The following PAIP2 variants were observed in gnomAD, a reference collection of about 807,000 sequenced individuals.
PAIP2 encodes polyadenylate-binding protein-interacting protein 2.
A neutral mutation model predicts 14.8 loss-of-function variants in PAIP2; 7 were observed. The observed-to-expected ratio is 0.47, with a 90% CI of 0.27 to 0.89. The LOEUF is 0.89. Among genes scored for constraint, PAIP2 ranks in the 40% least tolerant of loss-of-function variants. The pLI is 0.13. For missense variants in PAIP2, 122 were observed against 154.7 expected, an observed-to-expected ratio of 0.79 and a Z score of 1.12; for synonymous variants, 47 against 45.3, an observed-to-expected ratio of 1.04 and a Z score of -0.15.
Position 139,369,144 on chromosome 5 carries a change from A to G in PAIP2, c.*346A>G, listed in dbSNP as rs1161255679. The G allele has an allele frequency of 2.3e-5, 4 of 171,876 alleles. No individual in the cohort carries two copies. Among genetic ancestry groups the G allele is most frequent in the African/African-American group, 9.5e-5 (4 of 42,160 alleles). 10.6% of individuals were successfully genotyped at this position (171,876 alleles called of 1,614,324 possible). On this transcript the variant is annotated 3_prime_UTR_variant, in exon 4 of 4. Transcript: ENST00000265192. ...TTGTTAATGTCTAAACTTTAAAATC[A>G]GTACATTTAATTTGAGTTCCAACTG...
rs949318302 is a variant in PAIP2, at chr5:139,365,903, C to T, written c.318+1160C>T. ...GAAGTAGCTTGATGGAGAAGTTTTG[C>T]TCTTTAATCTTGTCTTGGCTGGGTG... is the stretch of plus-strand genomic sequence containing the variant. On this transcript the variant is annotated intron_variant, in intron 3 of 3. Coordinates refer to ENST00000265192, the MANE Select transcript of PAIP2 (RefSeq NM_016480.5). Among the ~76,000 whole-genome samples the T allele has an allele frequency of 2.0e-5, 3 of 152,088 alleles. No individual in the cohort carries two copies. The South Asian group carries it at 6.2e-4, about 31-fold the overall frequency.
intron 1 of PAIP2, among the ~76,000 whole-genome samples, chr5:139,344,458 C>T (rs368170333): frequency 6.6e-6 from 1 of 152,104 alleles, no homozygotes; most frequent in East Asian, 1.9e-4. Context: ...CCAAAAAACT[C>T]CCTTTTTTCT....
At chr5:139,351,313 A>T (rs1756724261) in intron 1 of PAIP2, among the ~76,000 whole-genome samples, 1 of 151,958 alleles carries the variant, frequency 6.6e-6, no homozygotes, top group South Asian at 2.1e-4. Context: ...CCTTGTCTCT[A>T]CTAAAAAAAA....
rs1561964060 is a variant in PAIP2 at position 139,363,819 on chromosome 5, G to T, written c.35G>T (p.Ser12Ile). 6.2e-7 allele frequency: 1 copy of T among 1,614,110 alleles called. No homozygotes were observed. Among genetic ancestry groups the T allele is most frequent in the African/African-American group, 1.3e-5 (1 of 75,060 alleles). ...KDPSRSSTSPSIINEDVIING... is the reference protein window; with the variant it reads ...KDPSRSSTSPIIINEDVIING... Reference sequence around the variant, plus strand: ...CCAAGTCGCAGCAGTACTAGCCCAAGCATCATCAATGAAGATGTGATTATT... The same window carrying T: ...CCAAGTCGCAGCAGTACTAGCCCAATCATCATCAATGAAGATGTGATTATT... Residue 12 changes from serine to isoleucine, a missense_variant, in exon 2 of 4, where the codon AGC becomes ATC. Transcript: ENST00000265192.
intron 1 of PAIP2, among the ~76,000 whole-genome samples, chr5:139,356,370 C>T (rs948359950): frequency 9.9e-5 from 15 of 151,702 alleles, no homozygotes; most frequent in African/African-American, 3.6e-4. Flanking sequence ...CACTTGAACC[C>T]AGGAGGCGGA....
At chr5:139,345,722 G>A (rs1056407329) in intron 1 of PAIP2, among the ~76,000 whole-genome samples, 1 of 151,556 alleles carries the variant, frequency 6.6e-6, no homozygotes, top group African/African-American at 2.4e-5. Context: ...CCACCTCCCG[G>A]GTTCATGCCA....
Position 139,348,373 on chromosome 5 carries a change from G to A in PAIP2, c.-27+6393G>A, listed in dbSNP as rs558915871. 3.8e-3 allele frequency among the ~76,000 whole-genome samples: 430 copies of A among 112,724 alleles called. 1 individual carries two copies. Among genetic ancestry groups the A allele is most frequent in the Middle Eastern group, 0.01 (2 of 194 alleles). 74.0% of individuals were successfully genotyped at this position (112,724 alleles called of 152,430 possible). A position where few individuals can be genotyped will look rare whatever the true frequency, so the allele number is the denominator to read the frequency against. On this transcript the variant is annotated intron_variant, in intron 1 of 3. Coordinates refer to ENST00000265192, the MANE Select transcript of PAIP2 (RefSeq NM_016480.5). Reference sequence around the variant, plus strand: ...CTGGCTAATTTTTTTTTTTTTTTTTGAGACGGAGTCTCACTCTGTCGCCCA... The same window carrying A: ...CTGGCTAATTTTTTTTTTTTTTTTTAAGACGGAGTCTCACTCTGTCGCCCA...
intron 1 of PAIP2, among the ~76,000 whole-genome samples, chr5:139,353,793 C>T (rs900272782): frequency 1.3e-5 from 2 of 151,492 alleles, no homozygotes; most frequent in African/African-American, 2.4e-5. Context: ...TGTCTCGACT[C>T]ACTGTACCCT....
intron 3 of PAIP2, among the ~76,000 whole-genome samples, chr5:139,366,250 T>G: frequency 6.9e-6 from 1 of 145,250 alleles, no homozygotes; most frequent in African/African-American, 2.5e-5. Context: ...TTGTGATAAC[T>G]AAACATCAGC....
intron 1 of PAIP2, among the ~76,000 whole-genome samples, chr5:139,343,916 C>T (rs1402387996): frequency 6.6e-6 from 1 of 152,070 alleles, no homozygotes; most frequent in Non-Finnish European, 1.5e-5. Context: ...CAGGGTTTCA[C>T]CGTGTTAGCC....
At chr5:139,344,462 T>A (rs1275438337) in intron 1 of PAIP2, among the ~76,000 whole-genome samples, 1 of 152,146 alleles carries the variant, frequency 6.6e-6, no homozygotes, top group Non-Finnish European at 1.5e-5. Flanking sequence ...AAAACTCCCT[T>A]TTTTCTTAAT....
At chr5:139,364,789 C>A in intron 3 of PAIP2, 46 bp downstream of exon 3, 1 of 1,289,668 alleles carries the variant, frequency 7.8e-7, no homozygotes, top group Non-Finnish European at 1.1e-6. Context: ...GCATCTTTTG[C>A]ATAAGTGGAA....
In PAIP2 at chr5:139,368,804, C is replaced by CGG; in HGVS notation, c.*9_*10dup. The CGG allele has an allele frequency of 6.2e-7, 1 of 1,602,562 alleles. No homozygotes were observed. Among genetic ancestry groups the CGG allele is most frequent in the Non-Finnish European group, 8.5e-7 (1 of 1,169,820 alleles). On this transcript the variant is annotated 3_prime_UTR_variant, in exon 4 of 4. Transcript: ENST00000265192. ...TGAAGTACGGAAATATTTGAGTAGA[C>CGG]GGGGCCCTCTTTTGGTGGATGTAGC...
At position 139,348,679 on chromosome 5, in the gene PAIP2, T is replaced by A. The variant is rs1012031431; in HGVS notation, c.-27+6699T>A. 5.1e-5 allele frequency among the ~76,000 whole-genome samples: 6 copies of A among 117,904 alleles called. No individual in the cohort carries two copies. The South Asian group carries it at 1.5e-3, about 30-fold the overall frequency. 77.3% of individuals were successfully genotyped at this position (117,904 alleles called of 152,430 possible). A position where few individuals can be genotyped will look rare whatever the true frequency, so the allele number is the denominator to read the frequency against. ...GCCACGCCCAGCTAATCTTTGTATCTTTTTTTTTTTTTTTTAAAGTCAGAG... is the reference window on the plus strand; with the variant it reads ...GCCACGCCCAGCTAATCTTTGTATCATTTTTTTTTTTTTTTAAAGTCAGAG... On this transcript the variant is annotated intron_variant, in intron 1 of 3. Coordinates refer to ENST00000265192, the MANE Select transcript of PAIP2 (RefSeq NM_016480.5).
chr5:139,342,301 C>G (rs1397901039), intron 1 of PAIP2: 1 of 152,186 alleles, frequency 6.6e-6, no homozygotes, highest in Non-Finnish European at 1.5e-5. Context: ...TTCTCCCGGT[C>G]CTTTATCCCT....
rs141171789 is a variant in PAIP2, at chr5:139,363,810, C to T, written c.26C>T (p.Thr9Ile). 119 of 1,614,022 alleles carry T rather than the reference C, an allele frequency of 7.4e-5. No homozygotes were observed. Among genetic ancestry groups the T allele is most frequent in the Non-Finnish European group, 9.2e-5 (108 of 1,179,996 alleles). MKDPSRSS[T>I]SPSIINEDVI... ...ATGAAAGATCCAAGTCGCAGCAGTA[C>T]TAGCCCAAGCATCATCAATGAAGAT... is the stretch of plus-strand genomic sequence containing the variant. The change falls in exon 2 of 4, where the codon ACT becomes ATT. Residue 9 changes from threonine (T) to isoleucine (I), a missense_variant. Coordinates refer to ENST00000265192, the MANE Select transcript of PAIP2 (RefSeq NM_016480.5).
At chr5:139,349,795 A>G (rs186935019) in intron 1 of PAIP2, among the ~76,000 whole-genome samples, 2 of 152,092 alleles carry the variant, frequency 1.3e-5, no homozygotes, top group East Asian at 1.9e-4. Flanking sequence ...CAAAGTCAAG[A>G]GATTGAGACC....
In PAIP2 at chr5:139,350,690, C is replaced by T. The variant is rs73255256; in HGVS notation, c.-27+8710C>T. Among the ~76,000 whole-genome samples, 353 of 151,032 alleles carry T rather than the reference C, an allele frequency of 2.3e-3. 3 individuals carry two copies. The highest frequency in any genetic ancestry group is 8.2e-3 in the African/African-American group (339 of 41,226). On this transcript the variant is annotated intron_variant, in intron 1 of 3. Transcript: ENST00000265192. ...AATAGTTGAGGTTGAAAGATCATACCTGCAACTTATCAAATGGTTAAGCAA... is the reference window on the plus strand; with the variant it reads ...AATAGTTGAGGTTGAAAGATCATACTTGCAACTTATCAAATGGTTAAGCAA...
At chr5:139,362,755 G>A (rs190673542) in intron 1 of PAIP2, among the ~76,000 whole-genome samples, 3 of 151,762 alleles carry the variant, frequency 2.0e-5, no homozygotes. Flanking sequence ...TGTTAGGCTG[G>A]TCTCAAACTC....
Sources: gnomAD v4.1 joint callset for allele counts (sites outside exome capture counted in the v4.1 genomes callset) on GRCh38, gnomAD v4.1.1 for gene constraint, MANE v1.5 for transcripts, NCBI Gene and HGNC (gene_info 2026-07-23, HGNC 2026-07-21) for gene names.